The following MYH8 variants were observed in gnomAD, a reference collection of about 807,000 sequenced individuals.
The protein encoded by MYH8 is myosin-8.
A neutral mutation model predicts 233.2 loss-of-function variants in MYH8; 168 were observed. The ratio of observed to expected loss-of-function variants is 0.72; its 90% CI spans 0.64 to 0.82. MYH8 has a LOEUF of 0.82. Ranked by LOEUF, MYH8 falls within the 40% of genes least tolerant of loss-of-function variation. The pLI is 0.00. For synonymous variants in MYH8, 785 were observed against 850.6 expected (o/e 0.92, Z 1.34); for missense variants, 1,995 against 2,327.8 (o/e 0.86, Z 2.94).
At chr17:10,420,563 C>T (rs762139145) in intron 2 of MYH8, among the ~76,000 whole-genome samples, 10 of 152,166 alleles carry the variant, frequency 6.6e-5, no homozygotes, top group Non-Finnish European at 1.0e-4. Flanking sequence ...TGTTTTATAG[C>T]AACTGTCATT....
At position 10,415,627 on chromosome 17, in the gene MYH8, T is replaced by C; in HGVS notation, c.540-47A>G. On this transcript the variant is annotated intron_variant, in intron 6 of 39. Transcript: ENST00000403437. The surrounding 1 kb of genome is among the most constrained non-coding windows in gnomAD (Gnocchi z 4.1). The stretch of plus-strand genomic sequence containing the variant: ...AGAGATCAGAGAACTATGGCCTGCA[T>C]TGTCAACATCTAAGACAATCCTTGC... The C allele has an allele frequency of 1.2e-6, 2 of 1,613,634 alleles. No homozygotes were observed. Among genetic ancestry groups the C allele is most frequent in the Non-Finnish European group, 1.7e-6 (2 of 1,179,566 alleles).
chr17:10,398,824 G>T lies in MYH8; in HGVS notation c.3925C>A (p.Gln1309Lys), dbSNP rs1159709746. Residue 1309 changes from glutamine (Q) to lysine (K), a missense_variant, in exon 29 of 40, where the codon CAA (glutamine) becomes AAA (lysine). Transcript: ENST00000403437. ...ALVSQLSRSK[Q>K]ASTQQIEELK... is the part of the protein sequence containing the mutation. ...TCTTCAATCTGCTGAGTAGATGCTT[G>T]CTTGCTCCTTGAAAGCTGAGAGACT... is the stretch of plus-strand genomic sequence containing the variant. The T allele has an allele frequency of 3.1e-6, 5 of 1,613,904 alleles. No homozygotes were observed. The highest frequency in any genetic ancestry group is 1.6e-4 in the Middle Eastern group (1 of 6,062).
chr17:10,405,883 G>A (rs371061669), intron 21 of MYH8, among the ~76,000 whole-genome samples, 158 bp downstream of exon 21: 26 of 152,250 alleles, frequency 1.7e-4, no homozygotes, highest in African/African-American at 4.1e-4. Context: ...AGGAATCCAA[G>A]TGTGAGAGCT....
chr17:10,421,805 C>A (rs1281714314), intron 1 of MYH8, 99 bp from the exon 2 acceptor site: 7 of 152,164 alleles, frequency 4.6e-5, no homozygotes, highest in African/African-American at 1.7e-4. Flanking sequence ...TTCCCTACCC[C>A]AAAGCTTGGT....
intron 12 of MYH8, among the ~76,000 whole-genome samples, chr17:10,413,151 ATTTC>A (rs2072259647): frequency 6.6e-6 from 1 of 152,204 alleles, no homozygotes; most frequent in Non-Finnish European, 1.5e-5. Flanking sequence ...TGCTGGATTA[ATTTC>A]TTTATCTACA....
Position 10,392,617 on chromosome 17 carries a change from A to G in MYH8, c.5493T>C (p.Asn1831=). ...RVRELEGEVE[N]EQKRNAEAVK... is the part of the protein sequence containing the mutation. The stretch of plus-strand genomic sequence containing the variant: ...CAGCCTCTGCATTACGTTTCTGTTC[A>G]TTTTCAACCTCTCCTTCAAGCTCAC... The change falls in exon 38 of 40, where the codon AAT becomes AAC. Residue 1831 remains asparagine, a synonymous_variant. Transcript: ENST00000403437. The G allele has an allele frequency of 6.2e-7, 1 of 1,614,024 alleles. No homozygotes were observed. The highest frequency in any genetic ancestry group is 8.5e-7 in the Non-Finnish European group (1 of 1,180,016).
At chr17:10,407,719 A>G (rs1224399757) in intron 17 of MYH8, among the ~76,000 whole-genome samples, 8 of 151,898 alleles carry the variant, frequency 5.3e-5, no homozygotes, top group African/African-American at 1.9e-4. Context: ...GGTGCCTGTA[A>G]TACCAGCTAC....
chr17:10,415,657 C>T lies in MYH8; in HGVS notation c.539+24G>A, dbSNP rs909883094. 2 of 1,613,786 alleles carry T rather than the reference C, an allele frequency of 1.2e-6. No homozygotes were observed. Among genetic ancestry groups the T allele is most frequent in the Non-Finnish European group, 1.7e-6 (2 of 1,179,780 alleles). The stretch of plus-strand genomic sequence containing the variant: ...AACATCTAAGACAATCCTTGCAAAT[C>T]AGAGAAGAAAAAAAATCACATACGT... On this transcript the variant is annotated intron_variant, in intron 6 of 39. Coordinates refer to ENST00000403437, the MANE Select transcript of MYH8 (RefSeq NM_002472.3). The surrounding 1 kb of genome is among the most constrained non-coding windows in gnomAD (Gnocchi z 4.1).
rs1182839532 is a variant in MYH8 at position 10,396,683 on chromosome 17, A to G, written c.4398T>C (p.Thr1466=). ...LSEWKQKYEE[T]QAELEASQKE... is the part of the protein sequence containing the mutation. ...TCTGGGAGGCCTCAAGTTCAGCCTGAGTTTCCTCATACTTCTGCTTCCATT... is the reference window on the plus strand; with the variant it reads ...TCTGGGAGGCCTCAAGTTCAGCCTGGGTTTCCTCATACTTCTGCTTCCATT... The change falls in exon 32 of 40, where the codon ACT becomes ACC. Residue 1466 remains threonine (T), a synonymous_variant. Coordinates refer to ENST00000403437, the MANE Select transcript of MYH8 (RefSeq NM_002472.3). The surrounding 1 kb of genome is among the most constrained non-coding windows in gnomAD (Gnocchi z 4.2). The G allele has an allele frequency of 6.2e-7, 1 of 1,614,252 alleles. No individual in the cohort carries two copies. The highest frequency in any genetic ancestry group is 1.7e-5 in the Admixed American group (1 of 60,028).
rs772447154 is a variant in MYH8 at position 10,396,882 on chromosome 17, A to G, written c.4283T>C (p.Val1428Ala). 8 of 1,614,200 alleles carry G rather than the reference A, an allele frequency of 5.0e-6. No individual in the cohort carries two copies. The Admixed American group carries it at 1.3e-4, about 27-fold the overall frequency. ...EKTKQRLQNE[V>A]EDLMLDVERS... ...TTCCACATCAAGCATGAGGTCTTCA[A>G]CTTCATTCTGGAGCCGCTGCTTCGT... Residue 1428 changes from valine to alanine, a missense_variant, in exon 31 of 40, where the codon GTT (valine) becomes GCT (alanine). This residue lies in a region of MYH8 where 1,498 missense variants were observed against 1,680.9 expected (regional missense o/e 0.89). Transcript: ENST00000403437. This position sits in a 1 kb window ranked among gnomAD's most constrained non-coding sequence, Gnocchi z 4.2.
At chr17:10,407,265 C>G (rs2072202956) in intron 17 of MYH8, among the ~76,000 whole-genome samples, 1 of 152,178 alleles carries the variant, frequency 6.6e-6, no homozygotes, top group Non-Finnish European at 1.5e-5. Flanking sequence ...AGGAAGGGTT[C>G]TCAACCGAGA....
intron 14 of MYH8, among the ~76,000 whole-genome samples, chr17:10,411,253 G>A (rs2072241983): frequency 6.6e-6 from 1 of 151,858 alleles, no homozygotes; most frequent in South Asian, 2.1e-4. Context: ...GCGTGCACCT[G>A]TAGTCCCAGC....
intron 39 of MYH8, 46 bp downstream of exon 39, chr17:10,391,836 T>C (rs1380947923): frequency 1.3e-6 from 2 of 1,491,620 alleles, no homozygotes; most frequent in South Asian, 1.1e-5. Context: ...CACTTTCTAC[T>C]GCAAAAGAAA....
intron 39 of MYH8, among the ~76,000 whole-genome samples, chr17:10,391,293 T>G (rs1233320300): frequency 1.3e-5 from 2 of 152,240 alleles, no homozygotes; most frequent in Non-Finnish European, 2.9e-5. Flanking sequence ...ATGATGGTAT[T>G]AATTAGAATT....
intron 34 of MYH8, among the ~76,000 whole-genome samples, 169 bp from the exon 35 acceptor site, chr17:10,394,621 T>C (rs2072063444): frequency 6.6e-6 from 1 of 152,236 alleles, no homozygotes; most frequent in South Asian, 2.1e-4. Flanking sequence ...GAGAGAATTA[T>C]CAGGAGACAT....
chr17:10,397,546 C>T (rs1324251293), intron 30 of MYH8, among the ~76,000 whole-genome samples: 1 of 152,236 alleles, frequency 6.6e-6, no homozygotes, highest in African/African-American at 2.4e-5. Context: ...TAAGAGGCTG[C>T]TGTTAGTGCT....
Position 10,401,323 on chromosome 17 carries a change from G to A in MYH8, c.3060C>T (p.Val1020=). Residue 1020 remains valine, a synonymous_variant, in exon 24 of 40, where the codon GTC becomes GTT. Transcript: ENST00000403437. The part of the protein sequence containing the change: ...LDDLQAEEDK[V]NILTKAKTKL... ...TGGTTTTAGCTTTGGTCAGGATGTT[G>A]ACTTTGTCCTCCTCTGCCTGCAGGT... 1 of 1,614,152 alleles carries A rather than the reference G, an allele frequency of 6.2e-7. No homozygotes were observed. Among genetic ancestry groups the A allele is most frequent in the East Asian group, 2.2e-5 (1 of 44,878 alleles).
chr17:10,413,807 C>A (rs896198751), intron 12 of MYH8, 95 bp downstream of exon 12: 25 of 1,584,700 alleles, frequency 1.6e-5, no homozygotes, highest in Non-Finnish European at 6.1e-6. Context: ...CTTCACAAGT[C>A]GCAAGTCCAG....
At chr17:10,420,678 A>G (rs1050076977) in intron 2 of MYH8, among the ~76,000 whole-genome samples, 12 of 152,220 alleles carry the variant, frequency 7.9e-5, no homozygotes, top group African/African-American at 1.7e-4. Context: ...GAAGGTTCAT[A>G]TTTTCAAAGC....
Sources: gnomAD v4.1 joint callset for allele counts (sites outside exome capture counted in the v4.1 genomes callset) on GRCh38, gnomAD v4.1.1 for gene constraint, gnomAD v4.1.1 regional missense constraint, Gnocchi (gnomAD v3.1) non-coding constraint, MANE v1.5 for transcripts, NCBI Gene and HGNC (gene_info 2026-07-23, HGNC 2026-07-21) for gene names.